Variants in GOLGA5 observed in about 807,000 individuals in gnomAD.
GOLGA5 encodes the protein golgin subfamily A member 5.
In GOLGA5, 50 loss-of-function variants were observed where a neutral mutation model predicts 93.5. That is an observed-to-expected ratio of 0.53 (90% CI 0.43 to 0.68). GOLGA5 has a LOEUF of 0.68. GOLGA5 is among the 30% of genes least tolerant of loss of function. The pLI is 0.00. For synonymous variants in GOLGA5, 312 were observed against 304.5 expected (o/e 1.02, Z -0.26); for missense variants, 760 against 856.4 (o/e 0.89, Z 1.40).
chr14:92,798,087 G>C, intron 2 of GOLGA5, 106 bp downstream of exon 2: 1 of 763,222 alleles, frequency 1.3e-6, no homozygotes, highest in East Asian at 2.5e-5. Context: ...TGTCTCCACT[G>C]GTGTAAGGGC....
rs79947836 is a variant in GOLGA5, at chr14:92,833,256, A to G, written c.1854A>G (p.Gln618=). ...CAGAAAAGAACTCCCTGGTCTTTCA[A>G]CTGGAGCGCCTCGAACAGCAGATGA... The part of the protein sequence containing the change: ...LSTEKNSLVF[Q]LERLEQQMNS... Residue 618 remains glutamine (Q), a synonymous_variant, in exon 10 of 13, where the codon CAA becomes CAG. Transcript: ENST00000163416. 5.4e-3 allele frequency: 8,718 copies of G among 1,613,906 alleles called. 255 individuals are homozygous for G. In the South Asian group the frequency reaches 0.056, roughly 10 times the overall value.
At chr14:92,816,762 G>A (rs1272936982) in intron 7 of GOLGA5, among the ~76,000 whole-genome samples, 1 of 152,184 alleles carries the variant, frequency 6.6e-6, no homozygotes, top group Non-Finnish European at 1.5e-5. Flanking sequence ...GTATCCCTGT[G>A]TTGTCCAAGC....
In GOLGA5 at chr14:92,811,584, A is replaced by G; in HGVS notation, c.1150A>G (p.Met384Val). The G allele has an allele frequency of 2.5e-6, 4 of 1,613,470 alleles. No homozygotes were observed. The highest frequency in any genetic ancestry group is 3.4e-6 in the Non-Finnish European group (4 of 1,179,400). The change falls in exon 6 of 13, where the codon ATG becomes GTG. Residue 384 changes from methionine (M) to valine (V), a missense_variant. Met to Val is a conservative substitution (Grantham distance 21). Coordinates refer to ENST00000163416, the MANE Select transcript of GOLGA5 (RefSeq NM_005113.4). Reference sequence around the variant, plus strand: ...TGCTGCACGCCTTAATAAAGTGGAAATGGAACGTCAGAATTTAGCAGAAGC... The same window carrying G: ...TGCTGCACGCCTTAATAAAGTGGAAGTGGAACGTCAGAATTTAGCAGAAGC... ...EFAARLNKVE[M>V]ERQNLAEAIT...
intron 12 of GOLGA5, 57 bp downstream of exon 12, chr14:92,837,506 T>TTTG: frequency 1.6e-6 from 1 of 619,812 alleles, no homozygotes; most frequent in Non-Finnish European, 2.7e-6. Flanking sequence ...TAGTTTTTTT[T>TTTG]TTTGTTTGTT....
intron 4 of GOLGA5, among the ~76,000 whole-genome samples, 191 bp from the exon 5 acceptor site, chr14:92,810,063 G>A (rs545923593): frequency 1.4e-4 from 22 of 152,248 alleles, no homozygotes; most frequent in African/African-American, 3.4e-4. Context: ...TTCATTATAC[G>A]GTATGTACTT....
At chr14:92,821,769 A>G (rs1304073158) in intron 8 of GOLGA5, among the ~76,000 whole-genome samples, 4 of 152,220 alleles carry the variant, frequency 2.6e-5, no homozygotes, top group Admixed American at 2.0e-4. Context: ...AAAACTCACC[A>G]AGTAACAACG....
At chr14:92,825,825 C>T (rs1566959451) in intron 9 of GOLGA5, among the ~76,000 whole-genome samples, 1 of 141,430 alleles carries the variant, frequency 7.1e-6, no homozygotes, top group Non-Finnish European at 1.5e-5. Flanking sequence ...CTCTACACTC[C>T]ACCTTGAGTG....
At chr14:92,807,296 T>A (rs1309459907) in intron 3 of GOLGA5, among the ~76,000 whole-genome samples, 1 of 142,058 alleles carries the variant, frequency 7.0e-6, no homozygotes, top group African/African-American at 2.7e-5. Flanking sequence ...AGCAAGACTC[T>A]ATCTCAAAAA....
At chr14:92,795,196 C>T (rs1006233034) in intron 1 of GOLGA5, among the ~76,000 whole-genome samples, 4 of 152,192 alleles carry the variant, frequency 2.6e-5, no homozygotes, top group Non-Finnish European at 5.9e-5. Context: ...CGCTCGGCCT[C>T]CCAGTGTGTT....
At position 92,797,806 on chromosome 14, in the gene GOLGA5, G is replaced by C; in HGVS notation, c.369G>C (p.Leu123=). The change falls in exon 2 of 13, where the codon CTG becomes CTC. Residue 123 remains leucine (L), a synonymous_variant. Coordinates refer to ENST00000163416, the MANE Select transcript of GOLGA5 (RefSeq NM_005113.4). ...AGTCAGAACCTGATGATGAGCTGCT[G>C]TTTGATTTTCTTAATAGTTCACAGA... The part of the protein sequence containing the change: ...RKKSEPDDEL[L]FDFLNSSQKE... 1.2e-6 allele frequency: 2 copies of C among 1,613,972 alleles called. No individual in the cohort carries two copies. The highest frequency in any genetic ancestry group is 1.7e-6 in the Non-Finnish European group (2 of 1,179,948).
At chr14:92,822,489 A>T (rs1441937827) in intron 8 of GOLGA5, among the ~76,000 whole-genome samples, 1 of 152,212 alleles carries the variant, frequency 6.6e-6, no homozygotes, top group African/African-American at 2.4e-5. Flanking sequence ...TCTCTGAGTG[A>T]TCCATTGTAC....
intron 10 of GOLGA5, 43 bp downstream of exon 10, chr14:92,833,390 T>G: frequency 7.4e-7 from 1 of 1,343,316 alleles, no homozygotes; most frequent in South Asian, 1.2e-5. Flanking sequence ...CATTCAAACA[T>G]GCTTTTGAAA....
rs549575871 is a variant in GOLGA5, at chr14:92,802,020, A to C, written c.544+4039A>C. Among the ~76,000 whole-genome samples the C allele has an allele frequency of 1.5e-4, 23 of 151,904 alleles. No homozygotes were observed. The South Asian group carries it at 4.6e-3, about 30-fold the overall frequency. On this transcript the variant is annotated intron_variant, in intron 2 of 12. Coordinates refer to ENST00000163416, the MANE Select transcript of GOLGA5 (RefSeq NM_005113.4). ...GTTTTGGCTGTTCATGGACCTTTCCACTCCTGTATGCATTTTAGGATTTGC... is the reference window on the plus strand; with the variant it reads ...GTTTTGGCTGTTCATGGACCTTTCCCCTCCTGTATGCATTTTAGGATTTGC...
At chr14:92,832,864 AC>A (rs1885558817) in intron 9 of GOLGA5, among the ~76,000 whole-genome samples, 1 of 152,124 alleles carries the variant, frequency 6.6e-6, no homozygotes, top group African/African-American at 2.4e-5. Context: ...ACAAAATTAT[AC>A]TTTTATATAT....
At chr14:92,831,453 A>C (rs1050402119) in intron 9 of GOLGA5, among the ~76,000 whole-genome samples, 1 of 152,202 alleles carries the variant, frequency 6.6e-6, no homozygotes, top group Non-Finnish European at 1.5e-5. Flanking sequence ...AAAAGGATTC[A>C]TACTGTGTGA....
intron 8 of GOLGA5, among the ~76,000 whole-genome samples, chr14:92,820,296 G>A (rs891374458): frequency 1.3e-5 from 2 of 152,228 alleles, no homozygotes; most frequent in Admixed American, 1.3e-4. Context: ...TACTATGCCT[G>A]GATGTGCACG....
At chr14:92,796,394 G>C (rs1007948736) in intron 1 of GOLGA5, among the ~76,000 whole-genome samples, 2 of 152,272 alleles carry the variant, frequency 1.3e-5, no homozygotes, top group Admixed American at 1.3e-4. Flanking sequence ...CCAAGATCAA[G>C]GTATTGGCAG....
chr14:92,825,901 T>G (rs951460463), intron 9 of GOLGA5, among the ~76,000 whole-genome samples: 1 of 149,084 alleles, frequency 6.7e-6, no homozygotes, highest in African/African-American at 2.5e-5. Context: ...ATGCCTATAG[T>G]CCTAACTACT....
At chr14:92,835,734 A>G (rs758036234) in intron 11 of GOLGA5, 70 bp downstream of exon 11, 11 of 820,174 alleles carry the variant, frequency 1.3e-5, no homozygotes, top group Non-Finnish European at 1.9e-5. Context: ...TTTCAATCAC[A>G]GTGACTCCCA....
Sources: allele counts gnomAD v4.1 joint callset (sites outside exome capture counted in the v4.1 genomes callset), GRCh38; gene constraint gnomAD v4.1.1; transcripts MANE v1.5; gene names NCBI Gene and HGNC (gene_info 2026-07-23, HGNC 2026-07-21).